NADK: variants seen among roughly 807,000 people sequenced by gnomAD.
The protein encoded by NADK is NAD kinase, also known as poly(P)/ATP NAD kinase.
In NADK, 22 loss-of-function variants were observed where a neutral mutation model predicts 49.8. That is an observed-to-expected ratio of 0.44 (90% CI 0.32 to 0.63). The LOEUF is 0.63. NADK is among the 30% of genes least tolerant of loss of function. The pLI, the probability that NADK is intolerant of heterozygous loss-of-function variation, is 0.06. For synonymous variants in NADK, 268 were observed against 253.7 expected (o/e 1.06, Z -0.54); for missense variants, 438 against 609.4 (o/e 0.72, Z 2.96).
rs369227322 is a variant in NADK at position 1,752,506 on chromosome 1, C to G, written c.*398G>C. On this transcript the variant is annotated 3_prime_UTR_variant, in exon 12 of 12. Transcript: ENST00000341426. ...GGTCAAGGGGAAAAGCATGGCAGCT[C>G]AAGGAAGGTTTTTGGCTGAGACATT... 1.9e-5 allele frequency: 3 copies of G among 161,880 alleles called. No homozygotes were observed. Among genetic ancestry groups the G allele is most frequent in the African/African-American group, 7.2e-5 (3 of 41,794 alleles). The allele number at this position is 161,880 out of a possible 1,614,324, so 10.0% of individuals were successfully genotyped here.
chr1:1,753,290 CAG>C (rs968777476), intron 11 of NADK, among the ~76,000 whole-genome samples: 78 of 152,254 alleles, frequency 5.1e-4, no homozygotes, highest in African/African-American at 1.8e-3. Context: ...CCAGGGCCCT[CAG>C]GGGTGAGGTC....
At chr1:1,777,086 A>G (rs1646234313) in intron 1 of NADK, among the ~76,000 whole-genome samples, 3 of 152,184 alleles carry the variant, frequency 2.0e-5, no homozygotes, top group Non-Finnish European at 4.4e-5. Context: ...TCTAACATAC[A>G]CACACATATA....
intron 2 of NADK, among the ~76,000 whole-genome samples, chr1:1,762,537 C>G (rs1005298060): frequency 2.0e-5 from 3 of 152,144 alleles, no homozygotes; most frequent in African/African-American, 2.4e-5. Flanking sequence ...GGGTGGATCA[C>G]GTGAGGTCAG....
chr1:1,770,978 G>A (rs1195876611), intron 1 of NADK, among the ~76,000 whole-genome samples: 2 of 150,384 alleles, frequency 1.3e-5, no homozygotes, highest in Non-Finnish European at 3.0e-5. Flanking sequence ...AACCTGAGAG[G>A]TGGAGGTTGC....
In NADK at chr1:1,753,663, A is replaced by C; in HGVS notation, c.1102-14T>G. On this transcript the variant is annotated splice_polypyrimidine_tract_variant and intron_variant, in intron 10 of 11. Coordinates refer to ENST00000341426, the MANE Select transcript of NADK (RefSeq NM_023018.5). ...TGACAGCATGATCTGAGGGTCAAGC[A>C]GGGAGAGGTGTGGGCCCCCAGCTGT... 1.9e-6 allele frequency: 3 copies of C among 1,596,800 alleles called. No homozygotes were observed. Among genetic ancestry groups the C allele is most frequent in the Non-Finnish European group, 2.6e-6 (3 of 1,168,942 alleles).
At chr1:1,772,514 T>C (rs1187010078) in intron 1 of NADK, among the ~76,000 whole-genome samples, 2 of 152,152 alleles carry the variant, frequency 1.3e-5, no homozygotes, top group East Asian at 3.9e-4. Flanking sequence ...GGCTTGTGCC[T>C]GTAATCCCAG....
At chr1:1,770,271 G>C (rs954571537) in intron 1 of NADK, among the ~76,000 whole-genome samples, 1 of 152,018 alleles carries the variant, frequency 6.6e-6, no homozygotes, top group African/African-American at 2.4e-5. Context: ...CTCCTATTGA[G>C]GACTATACTA....
At chr1:1,777,956 C>T (rs763793014) in intron 1 of NADK, among the ~76,000 whole-genome samples, 1 of 152,220 alleles carries the variant, frequency 6.6e-6, no homozygotes, top group Admixed American at 6.5e-5. Flanking sequence ...AAACCACCCA[C>T]GGAAGGCCGG....
chr1:1,758,629 T>A, intron 3 of NADK: 1 of 1,439,440 alleles, frequency 6.9e-7, no homozygotes. Flanking sequence ...GGTAAAGTTG[T>A]TGTAAAAGCA....
chr1:1,759,199 CTG>C (rs766419075), intron 3 of NADK: 19 of 1,572,884 alleles, frequency 1.2e-5, no homozygotes, highest in Admixed American at 1.8e-5. Context: ...GCACCCACCG[CTG>C]TGTGTGACCA....
chr1:1,756,209 A>G lies in NADK; in HGVS notation c.585+49T>C, dbSNP rs761824085. 7.2e-6 allele frequency: 11 copies of G among 1,519,550 alleles called. No individual in the cohort carries two copies. In the African/African-American group the frequency reaches 1.5e-4, roughly 21 times the overall value. The allele number at this position is 1,519,550 out of a possible 1,614,324, so 94.1% of individuals were successfully genotyped here. A position where few individuals can be genotyped will look rare whatever the true frequency, so the allele number is the denominator to read the frequency against. The stretch of plus-strand genomic sequence containing the variant: ...CATGCTTGTGAGCCCCTCGTTACGC[A>G]GCACCTAGACTAGAACCTGGTGTGG... On this transcript the variant is annotated intron_variant, in intron 6 of 11. Transcript: ENST00000341426.
intron 3 of NADK, among the ~76,000 whole-genome samples, chr1:1,757,864 C>T (rs1645580170): frequency 6.6e-6 from 1 of 152,118 alleles, no homozygotes; most frequent in South Asian, 2.1e-4. Context: ...CGGACTTTAA[C>T]CTCACTCACT....
At chr1:1,772,366 G>A (rs528740650) in intron 1 of NADK, among the ~76,000 whole-genome samples, 20 of 152,150 alleles carry the variant, frequency 1.3e-4, no homozygotes, top group African/African-American at 4.6e-4. Context: ...GTTTTGCCAT[G>A]TTGCCCAGGC....
intron 1 of NADK, among the ~76,000 whole-genome samples, chr1:1,771,406 A>G (rs944399225): frequency 6.6e-6 from 1 of 152,196 alleles, no homozygotes; most frequent in Non-Finnish European, 1.5e-5. Context: ...TAAAATTCAC[A>G]TGAAAATGTA....
chr1:1,755,276 C>T (rs902171762), intron 7 of NADK, 98 bp downstream of exon 7: 3 of 831,090 alleles, frequency 3.6e-6, no homozygotes, highest in South Asian at 3.0e-5. Context: ...TTAAATGTTG[C>T]TCCATGCATC....
chr1:1,773,723 T>A (rs369199246), intron 1 of NADK, among the ~76,000 whole-genome samples: 89,235 of 134,286 alleles, frequency 0.66, 31,600 homozygotes, highest in Non-Finnish European at 0.78. Context: ...TGTGTGTGTG[T>A]GTGTGTGAGA....
intron 3 of NADK, among the ~76,000 whole-genome samples, chr1:1,761,224 C>A (rs1471315891): frequency 6.6e-6 from 1 of 152,172 alleles, no homozygotes; most frequent in Non-Finnish European, 1.5e-5. Context: ...AACTCCTGAC[C>A]TCGTGATCCG....
chr1:1,763,080 C>T (rs1424978794), intron 2 of NADK, among the ~76,000 whole-genome samples: 2 of 152,270 alleles, frequency 1.3e-5, no homozygotes, highest in South Asian at 2.1e-4. Context: ...TCCGCTGCCT[C>T]GCAGGGCCAG....
rs931402487 is a variant in NADK, at chr1:1,757,083, T to C, written c.393+98A>G. The C allele has an allele frequency of 1.2e-5, 19 of 1,523,120 alleles. No individual in the cohort carries two copies. The Admixed American group carries it at 2.4e-4, about 19-fold the overall frequency. 94.4% of individuals were successfully genotyped at this position (1,523,120 alleles called of 1,614,324 possible). On this transcript the variant is annotated intron_variant, in intron 4 of 11. Transcript: ENST00000341426. ...CAGACAAGCAGCCGTTGCCCAGCAC[T>C]TGAGGTGGTTCCCATGGTCTCACGG...
Sources: allele counts gnomAD v4.1 joint callset (sites outside exome capture counted in the v4.1 genomes callset), GRCh38; gene constraint gnomAD v4.1.1; transcripts MANE v1.5; gene names NCBI Gene and HGNC (gene_info 2026-07-23, HGNC 2026-07-21).